SLC35F1: variants seen among roughly 807,000 people sequenced by gnomAD.
The protein encoded by SLC35F1 is solute carrier family 35 member F1, also known as chromosome 6 open reading frame 169.
Under a neutral mutation model 48.7 loss-of-function variants are expected in SLC35F1, and 14 were observed. The ratio of observed to expected loss-of-function variants is 0.29; its 90% CI spans 0.19 to 0.45. The LOEUF (loss-of-function observed/expected upper bound fraction) is 0.45. Ranked by LOEUF, SLC35F1 falls within the 20% of genes least tolerant of loss-of-function variation. The probability of loss-of-function intolerance (pLI) is 1.00; values close to 1 mark genes in which losing one functional copy is unlikely to be tolerated. For synonymous variants in SLC35F1, 190 were observed against 202.2 expected, an observed-to-expected ratio of 0.94 and a Z score of 0.51; for missense variants, 404 against 500.0, an observed-to-expected ratio of 0.81 and a Z score of 1.83.
At chr6:118,014,675 C>A (rs2114879231) in intron 1 of SLC35F1, among the ~76,000 whole-genome samples, 1 of 152,120 alleles carries the variant, frequency 6.6e-6, no homozygotes, top group East Asian at 1.9e-4. Context: ...AACTGAAAGC[C>A]AAAGGAGAGA....
intron 1 of SLC35F1, chr6:117,999,070 T>G (rs994234847): frequency 2.0e-6 from 3 of 1,530,724 alleles, no homozygotes; most frequent in Non-Finnish European, 2.7e-6. Context: ...ACGAATCTCT[T>G]AAGGGGGTGG....
chr6:117,914,377 T>C (rs560576547), intron 1 of SLC35F1, among the ~76,000 whole-genome samples: 1 of 152,210 alleles, frequency 6.6e-6, no homozygotes, highest in African/African-American at 2.4e-5. Context: ...AAACACTGAA[T>C]AGATTTTTAA....
intron 1 of SLC35F1, among the ~76,000 whole-genome samples, chr6:118,128,117 T>A (rs1312269708): frequency 7.0e-6 from 1 of 143,576 alleles, no homozygotes; most frequent in Non-Finnish European, 1.5e-5. Context: ...TGAGATACCA[T>A]CTCACACCAG....
At chr6:118,114,211 A>G (rs1039629698) in intron 1 of SLC35F1, among the ~76,000 whole-genome samples, 6 of 152,204 alleles carry the variant, frequency 3.9e-5, no homozygotes, top group African/African-American at 1.2e-4. Context: ...GTTGGACTCC[A>G]GAGCCCAAAC....
intron 1 of SLC35F1, among the ~76,000 whole-genome samples, chr6:117,929,398 C>T (rs1173953685): frequency 6.7e-6 from 1 of 149,620 alleles, no homozygotes; most frequent in Non-Finnish European, 1.5e-5. Flanking sequence ...TATCTATCTA[C>T]TATATTTATA....
chr6:118,070,738 T>C (rs559435356), intron 1 of SLC35F1, among the ~76,000 whole-genome samples: 4 of 150,246 alleles, frequency 2.7e-5, no homozygotes, highest in African/African-American at 7.3e-5. Flanking sequence ...CTTCTTATGA[T>C]AGATGAATAC....
intron 1 of SLC35F1, among the ~76,000 whole-genome samples, chr6:118,045,084 A>G (rs1772281969): frequency 6.6e-6 from 1 of 152,200 alleles, no homozygotes; most frequent in Admixed American, 6.6e-5. Context: ...TTATTTTGAT[A>G]TGCCATTTCT....
intron 2 of SLC35F1, among the ~76,000 whole-genome samples, chr6:118,180,904 C>T (rs144268650): frequency 4.3e-4 from 66 of 152,044 alleles, no homozygotes; most frequent in African/African-American, 1.5e-3. Context: ...CACATTTAGA[C>T]GTATCGTAAT....
At position 117,907,879 on chromosome 6, in the gene SLC35F1, G is replaced by A. The variant is rs1054395950; in HGVS notation, c.153G>A (p.Arg51=). 2 of 1,500,270 alleles carry A rather than the reference G, an allele frequency of 1.3e-6. No individual in the cohort carries two copies. The highest frequency in any genetic ancestry group is 2.9e-5 in the African/African-American group (2 of 69,164). The allele number at this position is 1,500,270 out of a possible 1,614,324, so 92.9% of individuals were successfully genotyped here. A position where few individuals can be genotyped will look rare whatever the true frequency, so the allele number is the denominator to read the frequency against. The change falls in exon 1 of 8, where the codon AGG becomes AGA. Residue 51 remains arginine, a synonymous_variant. Coordinates refer to ENST00000360388, the MANE Select transcript of SLC35F1 (RefSeq NM_001029858.4). ...SASSRAGVRQ[R]IRKVLNREML... ...CCTCCCGGGCTGGCGTGCGCCAGAG[G>A]ATCCGCAAAGTGCTGAACAGGTGAG...
intron 1 of SLC35F1, among the ~76,000 whole-genome samples, chr6:117,979,378 C>T (rs1776745745): frequency 6.6e-6 from 1 of 152,220 alleles, no homozygotes; most frequent in Non-Finnish European, 1.5e-5. Flanking sequence ...CCCTTGAATA[C>T]TGTTAAGATT....
At chr6:118,054,369 G>A (rs1772433223) in intron 1 of SLC35F1, among the ~76,000 whole-genome samples, 1 of 152,148 alleles carries the variant, frequency 6.6e-6, no homozygotes, top group Non-Finnish European at 1.5e-5. Flanking sequence ...GAAATAAAAA[G>A]GGTACTGTTT....
intron 1 of SLC35F1, among the ~76,000 whole-genome samples, chr6:118,039,455 T>A (rs540861534): frequency 6.6e-6 from 1 of 152,106 alleles, no homozygotes; most frequent in South Asian, 2.1e-4. Context: ...TATTTCAATA[T>A]CTTTCTCCTC....
intron 1 of SLC35F1, among the ~76,000 whole-genome samples, chr6:118,117,961 A>G (rs1298694013): frequency 6.6e-6 from 1 of 152,124 alleles, no homozygotes; most frequent in African/African-American, 2.4e-5. Context: ...ATATAGCACA[A>G]TTTGCTTATC....
At chr6:117,960,515 A>G (rs1290363400) in intron 1 of SLC35F1, among the ~76,000 whole-genome samples, 1 of 152,086 alleles carries the variant, frequency 6.6e-6, no homozygotes, top group Non-Finnish European at 1.5e-5. Flanking sequence ...TCATGTTAAA[A>G]TAAAACATCT....
chr6:118,250,008 A>G (rs1218937720), intron 3 of SLC35F1, among the ~76,000 whole-genome samples: 5 of 152,224 alleles, frequency 3.3e-5, no homozygotes, highest in Non-Finnish European at 5.9e-5. Flanking sequence ...TAACTCGATG[A>G]CAGTGGAGCT....
chr6:117,930,963 G>C (rs960792765), intron 1 of SLC35F1, among the ~76,000 whole-genome samples: 4 of 152,190 alleles, frequency 2.6e-5, no homozygotes, highest in Non-Finnish European at 4.4e-5. Context: ...ATCTGAACTT[G>C]AGTCCTTTAC....
At chr6:118,106,706 A>G (rs753682587) in intron 1 of SLC35F1, among the ~76,000 whole-genome samples, 13 of 152,212 alleles carry the variant, frequency 8.5e-5, no homozygotes, top group Non-Finnish European at 1.6e-4. Context: ...ATACATTTCT[A>G]TTGTGATTAG....
intron 2 of SLC35F1, among the ~76,000 whole-genome samples, chr6:118,230,403 AC>A (rs1775277329): frequency 6.6e-6 from 1 of 152,150 alleles, no homozygotes; most frequent in Non-Finnish European, 1.5e-5. Flanking sequence ...AAAAATTAGA[AC>A]CAATTAGAAG....
intron 2 of SLC35F1, among the ~76,000 whole-genome samples, chr6:118,209,633 T>C (rs1335536032): frequency 6.6e-6 from 1 of 152,114 alleles, no homozygotes; most frequent in Non-Finnish European, 1.5e-5. Flanking sequence ...GATTATAGAA[T>C]AGTATTTCAT....
Sources: gnomAD v4.1 joint callset for allele counts (sites outside exome capture counted in the v4.1 genomes callset) on GRCh38, gnomAD v4.1.1 for gene constraint, MANE v1.5 for transcripts, NCBI Gene and HGNC (gene_info 2026-07-23, HGNC 2026-07-21) for gene names.